The following GPBP1 variants were observed in gnomAD, a reference collection of about 807,000 sequenced individuals.
GPBP1 encodes vasculin.
A neutral mutation model predicts 56.5 loss-of-function variants in GPBP1; 13 were observed. That is an observed-to-expected ratio of 0.23 (90% CI 0.15 to 0.37). The LOEUF (loss-of-function observed/expected upper bound fraction) is 0.37. Ranked by LOEUF, GPBP1 falls within the 10% of genes least tolerant of loss-of-function variation. The probability of loss-of-function intolerance (pLI) is 1.00; values close to 1 mark genes in which losing one functional copy is unlikely to be tolerated. For missense variants in GPBP1, 477 were observed against 572.3 expected (o/e 0.83, Z 1.70); for synonymous variants, 204 against 188.9 (o/e 1.08, Z -0.66).
chr5:57,239,523 G>A (rs571725581), intron 6 of GPBP1, among the ~76,000 whole-genome samples: 11 of 152,346 alleles, frequency 7.2e-5, no homozygotes, highest in African/African-American at 2.6e-4. Context: ...GCTCATGCCT[G>A]TAATCCCAGC....
chr5:57,227,951 G>A (rs75454519), intron 3 of GPBP1, among the ~76,000 whole-genome samples: 3,097 of 152,058 alleles, frequency 0.02, 105 homozygotes, highest in African/African-American at 0.071. Context: ...GTAACTGTCC[G>A]TATAAAAAAA....
In GPBP1 at chr5:57,246,017, A is replaced by G. The variant is rs1580069661; in HGVS notation, c.479-283A>G. The stretch of plus-strand genomic sequence containing the variant: ...TATAGTTAATGCAAGGCATGTTAAA[A>G]TATAATTTGTCTTGGTTTTAACATT... On this transcript the variant is annotated intron_variant, in intron 6 of 11. Transcript: ENST00000506184. 3 of 242,152 alleles carry G rather than the reference A, an allele frequency of 1.2e-5. No individual in the cohort carries two copies. The East Asian group carries it at 2.3e-4, about 19-fold the overall frequency. The allele number at this position is 242,152 out of a possible 1,614,324, so 15.0% of individuals were successfully genotyped here.
intron 2 of GPBP1, 39 bp downstream of exon 2, chr5:57,176,439 G>A (rs1315801297): frequency 6.4e-6 from 1 of 155,738 alleles, no homozygotes; most frequent in African/African-American, 2.4e-5. Flanking sequence ...ATGTTCATTT[G>A]TAAACTGTAA....
chr5:57,259,890 A>G (rs1741814495), intron 10 of GPBP1, among the ~76,000 whole-genome samples: 1 of 152,076 alleles, frequency 6.6e-6, no homozygotes, highest in South Asian at 2.1e-4. Flanking sequence ...CTTCCAAACA[A>G]CTGTTGCCAT....
intron 2 of GPBP1, among the ~76,000 whole-genome samples, chr5:57,208,958 G>T (rs1300168368): frequency 6.6e-6 from 1 of 152,108 alleles, no homozygotes; most frequent in Non-Finnish European, 1.5e-5. Context: ...CTGGGCCAGG[G>T]ATGTCTTTCT....
At position 57,228,701 on chromosome 5, in the gene GPBP1, T is replaced by C. The variant is rs371669627; in HGVS notation, c.64-2145T>C. Among the ~76,000 whole-genome samples, 4 of 152,080 alleles carry C rather than the reference T, an allele frequency of 2.6e-5. No homozygotes were observed. The East Asian group carries it at 5.8e-4, about 22-fold the overall frequency. ...AAAAAAAATAAGCTGTAGAAAAATA[T>C]TTGCAGTATAAATGGCATCTGCTCA... On this transcript the variant is annotated intron_variant, in intron 3 of 11. Transcript: ENST00000506184.
chr5:57,176,029 T>C lies in GPBP1; in HGVS notation c.-429T>C. Reference sequence around the variant, plus strand: ...GGTAGTATTGAGATAGCTATGTGTGTCTCTGTATATGCTGATGTTTAGGAA... The same window carrying C: ...GGTAGTATTGAGATAGCTATGTGTGCCTCTGTATATGCTGATGTTTAGGAA... On this transcript the variant is annotated 5_prime_UTR_variant, in exon 2 of 12. Transcript: ENST00000506184. 1 of 398,584 alleles carries C rather than the reference T, an allele frequency of 2.5e-6. No individual in the cohort carries two copies. Among genetic ancestry groups the C allele is most frequent in the South Asian group, 1.3e-4 (1 of 7,864 alleles). 24.7% of individuals were successfully genotyped at this position (398,584 alleles called of 1,614,324 possible).
rs1186651143 is a variant in GPBP1 at position 57,205,124 on chromosome 5, G to C, written c.-57-8950G>C. Among the ~76,000 whole-genome samples the C allele has an allele frequency of 4.6e-5, 7 of 152,052 alleles. 1 individual carries two copies. The highest frequency in any genetic ancestry group is 4.1e-4 in the South Asian group (2 of 4,828). ...TCACCCGCATTCCACCCTCCCAACA[G>C]TCTCTAGTAACACCAGTTTGCTTTT... On this transcript the variant is annotated intron_variant, in intron 2 of 11. Coordinates refer to ENST00000506184, the MANE Select transcript of GPBP1 (RefSeq NM_022913.4).
chr5:57,226,230 G>A (rs1756181710), intron 3 of GPBP1, among the ~76,000 whole-genome samples: 1 of 152,194 alleles, frequency 6.6e-6, no homozygotes, highest in Non-Finnish European at 1.5e-5. Flanking sequence ...TCCTGTTAAT[G>A]AACTGTAATG....
At position 57,230,956 on chromosome 5, in the gene GPBP1, G is replaced by A. The variant is rs1130203; in HGVS notation, c.174G>A (p.Gly58=). Residue 58 remains glycine (G), a synonymous_variant, in exon 4 of 12, where the codon GGG becomes GGA. Transcript: ENST00000506184. ...CAGATGGCTTTGATTCTGCTATTGG[G>A]CGTCCTAATGGAGGTAAAATTTGCT... The part of the protein sequence containing the change: ...NSSDGFDSAI[G]RPNGGNFGRK... 0.71 allele frequency: 1,141,649 copies of A among 1,607,328 alleles called. 410,973 individuals are homozygous for A. The highest frequency in any genetic ancestry group is 1 in the East Asian group (44,764 of 44,818).
At chr5:57,228,441 C>T (rs1397245834) in intron 3 of GPBP1, among the ~76,000 whole-genome samples, 3 of 148,364 alleles carry the variant, frequency 2.0e-5, no homozygotes, top group East Asian at 3.9e-4. Context: ...GGTGACAGAG[C>T]GAGACTCTGT....
At chr5:57,236,966 G>A in intron 6 of GPBP1, 1 of 586,054 alleles carries the variant, frequency 1.7e-6, no homozygotes, top group Non-Finnish European at 2.9e-6. Context: ...TGAAACTCGG[G>A]AATTATTTTG....
intron 5 of GPBP1, 104 bp downstream of exon 5, chr5:57,231,425 C>G: frequency 1.2e-6 from 1 of 844,816 alleles, no homozygotes. Context: ...AGGCATCCAC[C>G]ACCAGGCCCG....
At chr5:57,236,095 T>G in intron 6 of GPBP1, 63 bp downstream of exon 6, 1 of 1,124,176 alleles carries the variant, frequency 8.9e-7, no homozygotes, top group South Asian at 1.3e-5. Context: ...GTTTCACTTT[T>G]TGTGTTTTTT....
intron 2 of GPBP1, among the ~76,000 whole-genome samples, chr5:57,202,435 C>A (rs1285467666): frequency 4.6e-5 from 7 of 152,014 alleles, no homozygotes; most frequent in Admixed American, 4.6e-4. Context: ...ATTATAGGCG[C>A]ATGCCACCAC....
intron 6 of GPBP1, among the ~76,000 whole-genome samples, chr5:57,239,737 G>A (rs928634361): frequency 1.3e-5 from 2 of 152,100 alleles, no homozygotes; most frequent in Non-Finnish European, 1.5e-5. Flanking sequence ...CCAAGATCGC[G>A]CCACTGCACT....
intron 6 of GPBP1, chr5:57,245,569 A>C (rs1741051663): frequency 6.6e-6 from 1 of 152,228 alleles, no homozygotes; most frequent in Non-Finnish European, 1.5e-5. Flanking sequence ...GGAAGAAAGA[A>C]AGACTTCACT....
chr5:57,247,261 T>G, intron 8 of GPBP1, 46 bp downstream of exon 8: 1 of 1,485,142 alleles, frequency 6.7e-7, no homozygotes, highest in African/African-American at 1.4e-5. Flanking sequence ...ATTTTAATTA[T>G]GATAGTTTAA....
intron 2 of GPBP1, among the ~76,000 whole-genome samples, chr5:57,189,658 T>G (rs551283628): frequency 6.6e-6 from 1 of 152,370 alleles, no homozygotes; most frequent in South Asian, 2.1e-4. Flanking sequence ...CCTTTAAAAA[T>G]GATATTCGAT....
Sources: gnomAD v4.1 joint callset for allele counts (sites outside exome capture counted in the v4.1 genomes callset) on GRCh38, gnomAD v4.1.1 for gene constraint, MANE v1.5 for transcripts, NCBI Gene and HGNC (gene_info 2026-07-23, HGNC 2026-07-21) for gene names.